RCHY1: variants seen among roughly 807,000 people sequenced by gnomAD.
RCHY1 encodes RING finger and CHY zinc finger domain-containing protein 1.
Under a neutral mutation model 41.6 loss-of-function variants are expected in RCHY1, and 21 were observed. That is an observed-to-expected ratio of 0.51 (90% CI 0.36 to 0.73). The LOEUF (loss-of-function observed/expected upper bound fraction) is 0.73. RCHY1 is among the 30% of genes least tolerant of loss of function. The pLI, the probability that RCHY1 is intolerant of heterozygous loss-of-function variation, is 0.00. For synonymous variants in RCHY1, 79 were observed against 102.9 expected (o/e 0.77, Z 1.41); for missense variants, 265 against 325.3 (o/e 0.81, Z 1.43).
chr4:75,496,651 T>C (rs994789618), intron 3 of RCHY1, among the ~76,000 whole-genome samples: 5 of 152,140 alleles, frequency 3.3e-5, no homozygotes, highest in African/African-American at 1.2e-4. Flanking sequence ...CAGTGGAGAA[T>C]AGCCCTGGGA....
chr4:75,498,735 T>C (rs780463078), intron 3 of RCHY1, among the ~76,000 whole-genome samples: 5 of 152,124 alleles, frequency 3.3e-5, no homozygotes, highest in Admixed American at 1.3e-4. Flanking sequence ...CAGGATACCA[T>C]ATGCAGAAGC....
rs187784309 is a variant in RCHY1 at position 75,503,303 on chromosome 4, A to G, written c.326+5517T>C. ...TCTAATTATAATGATGGTGAAATCA[A>G]TCCTATAAGCAATAAATCAGATTAT... is the stretch of plus-strand genomic sequence containing the variant. On this transcript the variant is annotated intron_variant, in intron 3 of 8. Coordinates refer to ENST00000324439, the MANE Select transcript of RCHY1 (RefSeq NM_015436.4). Among the ~76,000 whole-genome samples the G allele has an allele frequency of 4.6e-5, 7 of 152,336 alleles. No homozygotes were observed. In the East Asian group the frequency reaches 1.4e-3, roughly 29 times the overall value.
In RCHY1 at chr4:75,514,120, A is replaced by T. The variant is rs1380635103; in HGVS notation, c.90+77T>A. The T allele has an allele frequency of 1.9e-6, 3 of 1,552,766 alleles. No individual in the cohort carries two copies. The Admixed American group carries it at 5.2e-5, about 27-fold the overall frequency. Reference sequence around the variant, plus strand: ...CAGGTTAACCTCAAACTTAAATCCAAGCCTAACCACCTGCCCAGCCCGCCC... The same window carrying T: ...CAGGTTAACCTCAAACTTAAATCCATGCCTAACCACCTGCCCAGCCCGCCC... On this transcript the variant is annotated intron_variant, in intron 1 of 8. Transcript: ENST00000324439.
intron 1 of RCHY1, among the ~76,000 whole-genome samples, chr4:75,513,637 G>A (rs529795649): frequency 6.6e-6 from 1 of 152,266 alleles, no homozygotes; most frequent in South Asian, 2.1e-4. Context: ...AGTTTTCTCA[G>A]AGTAACAATA....
In RCHY1 at chr4:75,491,782, C is replaced by T. The variant is rs1277342091; in HGVS notation, c.451G>A (p.Asp151Asn). Residue 151 changes from aspartate to asparagine, a missense_variant and splice_region_variant, in exon 6 of 9, where the codon GAC becomes AAC. Asp to Asn is a conservative substitution (Grantham distance 23, BLOSUM62 1). Transcript: ENST00000324439. ...SRQNCPICLE[D>N]IHTSRVVAHV... ...GCAACAACACGGGATGTGTGAATGT[C>T]CTGTAAATGAAATAAATGTTAGTGC... 2 of 1,612,544 alleles carry T rather than the reference C, an allele frequency of 1.2e-6. No homozygotes were observed. The highest frequency in any genetic ancestry group is 1.7e-5 in the Admixed American group (1 of 59,928).
intron 1 of RCHY1, chr4:75,509,781 AT>A: frequency 1.1e-5 from 2 of 174,828 alleles, no homozygotes; most frequent in Non-Finnish European, 2.3e-5. Context: ...CTTCTTCCTC[AT>A]TTTCTATTGC....
chr4:75,487,632 TATATATATTC>T (rs1560512901), intron 8 of RCHY1, among the ~76,000 whole-genome samples: 3 of 14,132 alleles, frequency 2.1e-4, no homozygotes, highest in Admixed American at 1.2e-3. Context: ...ATATTCATAA[TATATATATTC>T]ATATATATTC....
intron 3 of RCHY1, among the ~76,000 whole-genome samples, chr4:75,506,821 TAC>T (rs1724364015): frequency 6.6e-6 from 1 of 152,010 alleles, no homozygotes; most frequent in Non-Finnish European, 1.5e-5. Flanking sequence ...AGATAAATAT[TAC>T]ACTCAATCAA....
chr4:75,502,364 C>T (rs1723861230), intron 3 of RCHY1, among the ~76,000 whole-genome samples: 1 of 151,966 alleles, frequency 6.6e-6, no homozygotes, highest in Admixed American at 6.6e-5. Context: ...CACGGTGAAA[C>T]CCCGTCTCTA....
intron 8 of RCHY1, among the ~76,000 whole-genome samples, chr4:75,484,060 G>A (rs553961877): frequency 1.3e-5 from 2 of 152,284 alleles, no homozygotes; most frequent in East Asian, 3.9e-4. Flanking sequence ...AATCTATTCT[G>A]GTTCAGGGCT....
chr4:75,512,008 C>G (rs1040149785), intron 1 of RCHY1, among the ~76,000 whole-genome samples: 6 of 152,132 alleles, frequency 3.9e-5, no homozygotes, highest in Non-Finnish European at 4.4e-5. Flanking sequence ...CTAACTTACT[C>G]CAAGTCTCCC....
chr4:75,482,838 C>T (rs146474774), intron 8 of RCHY1, among the ~76,000 whole-genome samples, 172 bp from the exon 9 acceptor site: 18 of 151,480 alleles, frequency 1.2e-4, no homozygotes, highest in Admixed American at 4.6e-4. Flanking sequence ...CTCTAAAAAG[C>T]TATTAAGGTG....
In RCHY1 at chr4:75,483,963, T is replaced by C. The variant is rs569633258; in HGVS notation, c.658-1297A>G. ...ATTAAACGAAAAAAGATGATCACTC[T>C]CCATAAGCCAAAAGGCACAGAAACA... On this transcript the variant is annotated intron_variant, in intron 8 of 8. Coordinates refer to ENST00000324439, the MANE Select transcript of RCHY1 (RefSeq NM_015436.4). Among the ~76,000 whole-genome samples, 8 of 152,236 alleles carry C rather than the reference T, an allele frequency of 5.3e-5. No homozygotes were observed. In the South Asian group the frequency reaches 1.7e-3, roughly 32 times the overall value.
intron 6 of RCHY1, 40 bp downstream of exon 6, chr4:75,491,684 A>G (rs1722766419): frequency 4.4e-6 from 7 of 1,603,050 alleles, no homozygotes; most frequent in Non-Finnish European, 6.0e-6. Context: ...AACTGTCTCC[A>G]CTATTTTCAA....
intron 3 of RCHY1, among the ~76,000 whole-genome samples, chr4:75,503,409 T>C (rs897803703): frequency 1.3e-5 from 2 of 151,850 alleles, no homozygotes; most frequent in African/African-American, 4.8e-5. Context: ...AAAAAGAAAA[T>C]ATGGTGGCCA....
chr4:75,509,222 A>G lies in RCHY1; in HGVS notation c.165T>C (p.Phe55=), dbSNP rs1409200278. ...DNNEDHQLDR[F]KVKEVQCINC... ...TTATGCACTGCACTTCCTTCACTTT[A>G]AAGCGATCTAGTTGATGATCTTCAT... is the stretch of plus-strand genomic sequence containing the variant. The change falls in exon 2 of 9, where the codon TTT becomes TTC. Residue 55 remains phenylalanine (F), a synonymous_variant. Coordinates refer to ENST00000324439, the MANE Select transcript of RCHY1 (RefSeq NM_015436.4). 1 of 1,613,306 alleles carries G rather than the reference A, an allele frequency of 6.2e-7. No individual in the cohort carries two copies. The highest frequency in any genetic ancestry group is 8.5e-7 in the Non-Finnish European group (1 of 1,179,492).
At chr4:75,507,739 A>T (rs1724465230) in intron 3 of RCHY1, among the ~76,000 whole-genome samples, 1 of 152,114 alleles carries the variant, frequency 6.6e-6, no homozygotes. Flanking sequence ...AAGACACATT[A>T]TATAATAATA....
chr4:75,514,221 G>A lies in RCHY1; in HGVS notation c.66C>T (p.His22=). The A allele has an allele frequency of 1.2e-6, 2 of 1,613,260 alleles. No homozygotes were observed. Among genetic ancestry groups the A allele is most frequent in the South Asian group, 2.2e-5 (2 of 91,068 alleles). The change falls in exon 1 of 9, where the codon CAC becomes CAT. Residue 22 remains histidine, a synonymous_variant. Coordinates refer to ENST00000324439, the MANE Select transcript of RCHY1 (RefSeq NM_015436.4). ...CCTTTAGGAGACATCCTCTGTCATA[G>A]TGCTCGCAGCCCCGCTGACCTCGCT... ...GQERGQRGCE[H]YDRGCLLKAP... is the part of the protein sequence containing the mutation.
rs999008258 is a variant in RCHY1, at chr4:75,480,209, G to A, written c.*2329C>T. The A allele has an allele frequency of 2.0e-5, 3 of 152,110 alleles. No homozygotes were observed. Among genetic ancestry groups the A allele is most frequent in the Non-Finnish European group, 4.4e-5 (3 of 68,020 alleles). The allele number at this position is 152,110 out of a possible 1,614,324, so 9.4% of individuals were successfully genotyped here. ...AAGTGCATGACTAGACAGCATAAAC[G>A]AGTGATTGCATATGTACTCTGCATT... On this transcript the variant is annotated 3_prime_UTR_variant, in exon 9 of 9. Coordinates refer to ENST00000324439, the MANE Select transcript of RCHY1 (RefSeq NM_015436.4).
Sources: gnomAD v4.1 joint callset for allele counts (sites outside exome capture counted in the v4.1 genomes callset) on GRCh38, gnomAD v4.1.1 for gene constraint, MANE v1.5 for transcripts, NCBI Gene and HGNC (gene_info 2026-07-23, HGNC 2026-07-21) for gene names.